ANK2: variants seen among roughly 807,000 people sequenced by gnomAD.
ANK2 encodes ankyrin 2.
ANK2 carries 83 observed loss-of-function variants against 360.5 expected under a neutral mutation model. The observed-to-expected ratio is 0.23, with a 90% CI of 0.19 to 0.28. ANK2 has a LOEUF of 0.28. Among genes scored for constraint, ANK2 ranks in the 10% least tolerant of loss-of-function variants. ANK2 has a pLI of 1.00. For synonymous variants in ANK2, 1,740 were observed against 1,759.5 expected, an observed-to-expected ratio of 0.99 and a Z score of 0.28; for missense variants, 4,201 against 4,795.7, an observed-to-expected ratio of 0.88 and a Z score of 3.66.
intron 1 of ANK2, among the ~76,000 whole-genome samples, chr4:112,840,249 C>G (rs1346656970): frequency 1.4e-4 from 22 of 152,188 alleles, no homozygotes; most frequent in Non-Finnish European, 3.2e-4. Context: ...TCTGATGACT[C>G]TTATGCACTG....
intron 2 of ANK2, among the ~76,000 whole-genome samples, chr4:113,175,071 CATTTTTGTGCT>C (rs1465191747): frequency 6.6e-6 from 1 of 152,100 alleles, no homozygotes; most frequent in Non-Finnish European, 1.5e-5. Flanking sequence ...CCAACGTTGA[CATTTTTGTGCT>C]ATTTTTGAGT....
chr4:113,100,324 G>A (rs767541023), intron 1 of ANK2, among the ~76,000 whole-genome samples: 6 of 152,086 alleles, frequency 3.9e-5, no homozygotes, highest in Non-Finnish European at 8.8e-5. Context: ...GATCTGAACA[G>A]ATACCTTATC....
At chr4:113,062,232 T>C (rs2073835170) in intron 1 of ANK2, among the ~76,000 whole-genome samples, 2 of 152,134 alleles carry the variant, frequency 1.3e-5, no homozygotes, top group Non-Finnish European at 2.9e-5. Flanking sequence ...TGTCAGGATC[T>C]ATTGGCAGTT....
chr4:112,931,267 A>G (rs762059380), intron 2 of ANK2, among the ~76,000 whole-genome samples: 2 of 152,110 alleles, frequency 1.3e-5, no homozygotes, highest in Non-Finnish European at 2.9e-5. Flanking sequence ...GTGGTTGGAA[A>G]TAAGAGGCAC....
At position 113,210,715 on chromosome 4, in the gene ANK2, C is replaced by T. The variant is rs117263388; in HGVS notation, c.384+11606C>T. On this transcript the variant is annotated intron_variant, in intron 4 of 45. Transcript: ENST00000357077. ...GGTTGAAAGAAATAATTATGTAAAA[C>T]GCTTAACACAATCCTTAGCATATAG... 8.4e-3 allele frequency among the ~76,000 whole-genome samples: 1,274 copies of T among 152,174 alleles called. 40 individuals carry two copies. Among genetic ancestry groups the T allele is most frequent in the East Asian group, 0.044 (226 of 5,176 alleles).
chr4:112,728,539 C>A, the ANK2 span, among the ~76,000 whole-genome samples: 1 of 151,824 alleles, frequency 6.6e-6, no homozygotes, highest in East Asian at 1.9e-4. Flanking sequence ...TCGCTTGAGA[C>A]CAGGAGTTCA....
intron 2 of ANK2, among the ~76,000 whole-genome samples, chr4:112,915,450 A>G: frequency 6.6e-6 from 1 of 152,198 alleles, no homozygotes; most frequent in East Asian, 1.9e-4. Flanking sequence ...GCAAGATAGT[A>G]TGAATTATTT....
chr4:113,360,094 C>T (rs1478947524), intron 38 of ANK2, among the ~76,000 whole-genome samples: 1 of 152,078 alleles, frequency 6.6e-6, no homozygotes, highest in Non-Finnish European at 1.5e-5. Flanking sequence ...TGAGGTTATA[C>T]AAACTTTCCT....
At chr4:113,170,896 A>G (rs1453755992) in intron 1 of ANK2, among the ~76,000 whole-genome samples, 1 of 152,184 alleles carries the variant, frequency 6.6e-6, no homozygotes, top group Non-Finnish European at 1.5e-5. Context: ...AGATTAAAAT[A>G]GGTGGGGCTC....
At chr4:113,011,769 T>G (rs930874130) in intron 2 of ANK2, among the ~76,000 whole-genome samples, 2 of 152,124 alleles carry the variant, frequency 1.3e-5, no homozygotes, top group Non-Finnish European at 2.9e-5. Flanking sequence ...CTTGCTGTTT[T>G]TTTAAGTGCC....
At chr4:113,090,443 A>T (rs2087300431) in intron 1 of ANK2, among the ~76,000 whole-genome samples, 1 of 152,180 alleles carries the variant, frequency 6.6e-6, no homozygotes, top group Non-Finnish European at 1.5e-5. Flanking sequence ...TTAGAACTTT[A>T]CTTAGGAAGA....
At chr4:112,815,987 C>A (rs2055593139), upstream of ANK2, among the ~76,000 whole-genome samples, 1 of 152,130 alleles carries the variant, frequency 6.6e-6, no homozygotes, top group Non-Finnish European at 1.5e-5. Flanking sequence ...AATTATCAAA[C>A]CTAAGGACGG....
intron 2 of ANK2, among the ~76,000 whole-genome samples, chr4:112,951,918 A>G (rs1470964470): frequency 1.3e-5 from 2 of 152,342 alleles, no homozygotes; most frequent in Admixed American, 6.5e-5. Context: ...CTGCAGTTCA[A>G]CCATGATTTG....
the ANK2 span, among the ~76,000 whole-genome samples, chr4:112,749,302 G>A: frequency 1.3e-5 from 2 of 152,324 alleles, no homozygotes; most frequent in Middle Eastern, 3.4e-3. Flanking sequence ...TGATATCATT[G>A]GTAAAGTATG....
At chr4:113,256,018 T>C in intron 11 of ANK2, 86 bp downstream of exon 11, 1 of 1,466,770 alleles carries the variant, frequency 6.8e-7, no homozygotes, top group Non-Finnish European at 9.5e-7. Context: ...ACACCAGCAA[T>C]GCAAGGTTAC....
At chr4:113,118,839 C>G (rs2095107034) in intron 1 of ANK2, among the ~76,000 whole-genome samples, 2 of 152,104 alleles carry the variant, frequency 1.3e-5, no homozygotes, top group Admixed American at 1.3e-4. Flanking sequence ...CTTTTGTTCT[C>G]CAAAACACAG....
At position 113,381,647 on chromosome 4, in the gene ANK2, G is replaced by A; in HGVS notation, c.*176G>A. ...GAAGCAAGAGGCCAAGTGAGGGGCT[G>A]CCCAGTTCTCACACCAGAAACCACA... On this transcript the variant is annotated 3_prime_UTR_variant, in exon 46 of 46. Transcript: ENST00000357077. 6.5e-7 allele frequency: 1 copy of A among 1,544,590 alleles called. No individual in the cohort carries two copies.
At chr4:112,803,289 T>C in the ANK2 span, among the ~76,000 whole-genome samples, 11 of 152,254 alleles carry the variant, frequency 7.2e-5, no homozygotes, top group African/African-American at 2.6e-4. Context: ...GCAAATGTGA[T>C]TAAGGATCTT....
chr4:113,296,584 A>T lies in ANK2; in HGVS notation c.2475+3046A>T, dbSNP rs77966286. On this transcript the variant is annotated intron_variant, in intron 22 of 45. Transcript: ENST00000357077. ...ACCAGAATAAGGCAGTAGTTTGTAA[A>T]GGAAAAACCACTTCTGTAGAAACTT... Among the ~76,000 whole-genome samples the T allele has an allele frequency of 1.2e-3, 176 of 152,306 alleles. 2 individuals are homozygous for T. In the East Asian group the frequency reaches 0.031, roughly 27 times the overall value.
Sources: allele counts gnomAD v4.1 joint callset (sites outside exome capture counted in the v4.1 genomes callset), GRCh38; gene constraint gnomAD v4.1.1; transcripts MANE v1.5; gene names NCBI Gene and HGNC (gene_info 2026-07-23, HGNC 2026-07-21).